The following EIF4A1 variants were observed in gnomAD, a reference collection of about 807,000 sequenced individuals.
EIF4A1 encodes eukaryotic translation initiation factor 4A1, also known as eukaryotic initiation factor 4A-I.
In EIF4A1, 11 loss-of-function variants were observed where a neutral mutation model predicts 53.5. The ratio of observed to expected loss-of-function variants is 0.21; its 90% CI spans 0.13 to 0.34. The LOEUF (loss-of-function observed/expected upper bound fraction) is 0.34, where lower values mean the gene tolerates loss of function less well. Among genes scored for constraint, EIF4A1 ranks in the 10% least tolerant of loss-of-function variants. EIF4A1 has a pLI of 1.00. For synonymous variants in EIF4A1, 237 were observed against 186.7 expected, an observed-to-expected ratio of 1.27 and a Z score of -2.20; for missense variants, 213 against 530.8, an observed-to-expected ratio of 0.40 and a Z score of 5.88.
At chr17:7,573,952 C>G (rs1052909941) in intron 1 of EIF4A1, 4 of 396,482 alleles carry the variant, frequency 1.0e-5, no homozygotes, top group African/African-American at 2.1e-5. Flanking sequence ...GGGTCGGGCC[C>G]ACGTGGACCC....
chr17:7,578,005 A>C, intron 9 of EIF4A1, 89 bp downstream of exon 9: 3 of 1,585,714 alleles, frequency 1.9e-6, no homozygotes, highest in South Asian at 2.2e-5. Flanking sequence ...TCAGGAAAGT[A>C]GCAGCTTGGA....
In EIF4A1 at chr17:7,577,979, G is replaced by A. The variant is rs776261684; in HGVS notation, c.996+63G>A. On this transcript the variant is annotated intron_variant, in intron 9 of 10. Transcript: ENST00000293831. This position sits in a 1 kb window ranked among gnomAD's most constrained non-coding sequence, Gnocchi z 4.7. ...GATCCAAGGTGATTCCCTCTCCAAG[G>A]GGACATCAGTGCCTCTCAGGAAAGT... 8.7e-6 allele frequency: 14 copies of A among 1,605,154 alleles called. No individual in the cohort carries two copies. The East Asian group carries it at 1.8e-4, about 20-fold the overall frequency.
At chr17:7,575,730 T>C in intron 4 of EIF4A1, 1 of 284,250 alleles carries the variant, frequency 3.5e-6, no homozygotes, top group Non-Finnish European at 7.0e-6. Flanking sequence ...GGGCAGTGAT[T>C]ATTCTGGGTG....
chr17:7,578,964 GAAAC>G lies in EIF4A1; in HGVS notation c.*484_*487del, dbSNP rs1332147679. On this transcript the variant is annotated 3_prime_UTR_variant, in exon 11 of 11. Coordinates refer to ENST00000293831, the MANE Select transcript of EIF4A1 (RefSeq NM_001416.4). ...TTTTGTATAGTATTTATTGATTCAGGAAACAAACACAAAATTCTGAATAAAATGA... is the reference window on the plus strand; with the variant it reads ...TTTTGTATAGTATTTATTGATTCAGGAAACACAAAATTCTGAATAAAATGA... 12 of 154,572 alleles carry G rather than the reference GAAAC, an allele frequency of 7.8e-5. No individual in the cohort carries two copies. The highest frequency in any genetic ancestry group is 2.0e-4 in the South Asian group (1 of 5,018). The allele number at this position is 154,572 out of a possible 1,614,324, so 9.6% of individuals were successfully genotyped here. A position where few individuals can be genotyped will look rare whatever the true frequency, so the allele number is the denominator to read the frequency against.
chr17:7,578,403 G>A lies in EIF4A1; in HGVS notation c.1138G>A (p.Asp380Asn). The stretch of plus-strand genomic sequence containing the variant: ...GGCTATTAACATGGTGACAGAAGAA[G>A]ACAAGAGGACTCTTCGAGACATTGA... ...GVAINMVTEE[D>N]KRTLRDIETF... Residue 380 changes from aspartate to asparagine, a missense_variant, in exon 11 of 11, where the codon GAC (aspartate) becomes AAC (asparagine). Physicochemically the swap from Asp to Asn is conservative, Grantham distance 23. This residue lies in a region of EIF4A1 where 28 missense variants were observed against 42.5 expected (regional missense o/e 0.66). Transcript: ENST00000293831. The A allele has an allele frequency of 6.2e-7, 1 of 1,613,884 alleles. No homozygotes were observed. Among genetic ancestry groups the A allele is most frequent in the Non-Finnish European group, 8.5e-7 (1 of 1,179,864 alleles).
chr17:7,576,495 C>T (rs755035864), intron 4 of EIF4A1, 29 bp from the exon 5 acceptor site: 2 of 1,532,644 alleles, frequency 1.3e-6, no homozygotes, highest in Admixed American at 2.2e-5. Flanking sequence ...TGGTAACTGA[C>T]ATATGAGCAC....
chr17:7,576,726 CTT>C (rs755987322), intron 5 of EIF4A1, 34 bp downstream of exon 5: 1 of 1,578,168 alleles, frequency 6.3e-7, no homozygotes, highest in African/African-American at 1.4e-5. Context: ...CCCTGGGTCA[CTT>C]TGCTCTTGTG....
intron 1 of EIF4A1, 89 bp downstream of exon 1, chr17:7,572,953 G>A (rs1447301441): frequency 6.8e-6 from 11 of 1,612,452 alleles, no homozygotes; most frequent in African/African-American, 5.3e-5. Context: ...AGGCCCACCA[G>A]GGTTGCGGGA....
In EIF4A1 at chr17:7,572,857, G is replaced by C. The variant is rs2071340950; in HGVS notation, c.16G>C (p.Asp6His). The change falls in exon 1 of 11, where the codon GAT (aspartate) becomes CAT (histidine). Residue 6 changes from aspartate (D) to histidine (H), a missense_variant. Asp to His is a moderately conservative substitution (Grantham distance 81). Coordinates refer to ENST00000293831, the MANE Select transcript of EIF4A1 (RefSeq NM_001416.4). MSASQ[D>H]SRSRDNGPDG... is the part of the protein sequence containing the mutation. ...TCTAAGGATCATGTCTGCGAGCCAG[G>C]ATTCCCGGTAAGAAAGGCATTTGCA... 1.2e-6 allele frequency: 2 copies of C among 1,614,180 alleles called. No homozygotes were observed. The highest frequency in any genetic ancestry group is 1.7e-5 in the Admixed American group (1 of 60,028).
intron 5 of EIF4A1, 134 bp downstream of exon 5, chr17:7,576,826 C>T (rs776292768): frequency 8.0e-5 from 119 of 1,481,868 alleles, no homozygotes; most frequent in Non-Finnish European, 1.1e-4. Context: ...GTGATGGAGC[C>T]CATGCGTGTC....
In EIF4A1 at chr17:7,578,196, T is replaced by C. The variant is rs2071428868; in HGVS notation, c.1028T>C (p.Leu343Ser). Reference protein sequence around the residue: ...ARGIDVQQVSLVINYDLPTNR... With the variant: ...ARGIDVQQVSSVINYDLPTNR... ...GGCATTGATGTGCAGCAGGTTTCTT[T>C]AGTCATCAACTATGACCTTCCCACC... The change falls in exon 10 of 11, where the codon TTA (leucine) becomes TCA (serine). Residue 343 changes from leucine (L) to serine (S), a missense_variant. Physicochemically the swap from Leu to Ser is moderately radical, Grantham distance 145. Around this residue, in one of 4 missense-constraint regions of EIF4A1, gnomAD observed 13 missense variants for 103.3 expected, o/e 0.13. Transcript: ENST00000293831. The C allele has an allele frequency of 1.2e-6, 2 of 1,614,204 alleles. No individual in the cohort carries two copies. Among genetic ancestry groups the C allele is most frequent in the Non-Finnish European group, 1.7e-6 (2 of 1,180,038 alleles).
At chr17:7,575,390 C>T in intron 4 of EIF4A1, 132 bp downstream of exon 4, 1 of 1,295,696 alleles carries the variant, frequency 7.7e-7, no homozygotes, top group Non-Finnish European at 1.1e-6. Context: ...TCGAGACCTG[C>T]TGGGTTAATT....
chr17:7,578,037 G>A, intron 9 of EIF4A1, 121 bp downstream of exon 9: 2 of 1,566,074 alleles, frequency 1.3e-6, no homozygotes, highest in Non-Finnish European at 1.8e-6. Flanking sequence ...CATGCCTAAG[G>A]CCTTTGGGGA....
chr17:7,574,006 C>T (rs2071365050), intron 1 of EIF4A1: 1 of 512,716 alleles, frequency 2.0e-6, no homozygotes, highest in Non-Finnish European at 3.5e-6. Flanking sequence ...CGGCGGCACG[C>T]CTGCCGGCCT....
At position 7,577,925 on chromosome 17, in the gene EIF4A1, A is replaced by C. The variant is rs776341154; in HGVS notation, c.996+9A>C. 6.2e-7 allele frequency: 1 copy of C among 1,614,154 alleles called. No individual in the cohort carries two copies. The highest frequency in any genetic ancestry group is 2.2e-5 in the East Asian group (1 of 44,890). On this transcript the variant is annotated intron_variant, in intron 9 of 10. Transcript: ENST00000293831. The surrounding 1 kb of genome is among the most constrained non-coding windows in gnomAD (Gnocchi z 4.7). ...TTACCACTGACCTGCTGGTGAGTAGAGGGAACTGATAGCAAAGGCAGAAGG... is the reference window on the plus strand; with the variant it reads ...TTACCACTGACCTGCTGGTGAGTAGCGGGAACTGATAGCAAAGGCAGAAGG...
intron 1 of EIF4A1, chr17:7,573,191 C>T (rs1005380870): frequency 1.5e-5 from 8 of 523,038 alleles, no homozygotes; most frequent in African/African-American, 1.4e-4. Flanking sequence ...TGGAGGCGGC[C>T]GCCACTATGT....
In EIF4A1 at chr17:7,574,334, T is replaced by TC. The variant is rs750584960; in HGVS notation, c.72+28dup. On this transcript the variant is annotated intron_variant, in intron 2 of 10. Coordinates refer to ENST00000293831, the MANE Select transcript of EIF4A1 (RefSeq NM_001416.4). ...GTGAGACTGGAGAAATGGAATTCTG[T>TC]CCTCCCCCATTACAACTTTCAGCCG... 6 of 1,614,104 alleles carry TC rather than the reference T, an allele frequency of 3.7e-6. No individual in the cohort carries two copies. In the East Asian group the frequency reaches 1.1e-4, roughly 30 times the overall value.
intron 3 of EIF4A1, chr17:7,574,892 C>T (rs1217836080): frequency 3.8e-6 from 4 of 1,043,920 alleles, no homozygotes; most frequent in East Asian, 2.4e-5. Flanking sequence ...ATATTTGCAT[C>T]TACAGCCATG....
chr17:7,577,032 A>G lies in EIF4A1; in HGVS notation c.515-24A>G, dbSNP rs748949296. 12 of 1,612,738 alleles carry G rather than the reference A, an allele frequency of 7.4e-6. No homozygotes were observed. Among genetic ancestry groups the G allele is most frequent in the African/African-American group, 4.0e-5 (3 of 74,830 alleles). On this transcript the variant is annotated intron_variant, in intron 5 of 10. Transcript: ENST00000293831. This position sits in a 1 kb window ranked among gnomAD's most constrained non-coding sequence, Gnocchi z 4.7. ...ACATTTCCCTAATCATATGCTATATATTGGCTTTTTTTTTCTTCTCTAGCC... is the reference window on the plus strand; with the variant it reads ...ACATTTCCCTAATCATATGCTATATGTTGGCTTTTTTTTTCTTCTCTAGCC...
Sources: gnomAD v4.1 joint callset for allele counts on GRCh38, gnomAD v4.1.1 for gene constraint, gnomAD v4.1.1 regional missense constraint, Gnocchi (gnomAD v3.1) non-coding constraint, MANE v1.5 for transcripts, NCBI Gene and HGNC (gene_info 2026-07-23, HGNC 2026-07-21) for gene names.